Variants in BMP6 observed in about 807,000 individuals in gnomAD.
BMP6 encodes bone morphogenetic protein 6.
BMP6 carries 17 observed loss-of-function variants against 54.1 expected under a neutral mutation model. That is an observed-to-expected ratio of 0.31 (90% CI 0.22 to 0.47). BMP6 has a LOEUF of 0.47. Among genes scored for constraint, BMP6 ranks in the 20% least tolerant of loss-of-function variants. BMP6 has a pLI of 1.00. For missense variants in BMP6, 720 were observed against 690.4 expected (o/e 1.04, Z -0.48); for synonymous variants, 328 against 291.2 (o/e 1.13, Z -1.28).
At chr6:7,783,183 G>A (rs1237347858) in intron 1 of BMP6, among the ~76,000 whole-genome samples, 1 of 152,180 alleles carries the variant, frequency 6.6e-6, no homozygotes, top group African/African-American at 2.4e-5. Flanking sequence ...ATTAGAGAAG[G>A]TGAGATCTGA....
chr6:7,858,068 G>T (rs1432039025), intron 2 of BMP6, among the ~76,000 whole-genome samples: 2 of 152,042 alleles, frequency 1.3e-5, no homozygotes, highest in Admixed American at 1.3e-4. Context: ...CCTGATGGGG[G>T]AGGCCCACTG....
In BMP6 at chr6:7,879,925, T is replaced by C. The variant is rs370401783; in HGVS notation, c.1282-66T>C. Reference sequence around the variant, plus strand: ...GAAAAATACCTTTTCACAGCATTCCTGAAAAGCACAAATAGTGTGAGAAGT... The same window carrying C: ...GAAAAATACCTTTTCACAGCATTCCCGAAAAGCACAAATAGTGTGAGAAGT... On this transcript the variant is annotated intron_variant, in intron 5 of 6. Transcript: ENST00000283147. The C allele has an allele frequency of 5.3e-6, 8 of 1,501,682 alleles. No homozygotes were observed. The African/African-American group carries it at 1.1e-4, about 21-fold the overall frequency. The allele number at this position is 1,501,682 out of a possible 1,614,324, so 93.0% of individuals were successfully genotyped here. A position where few individuals can be genotyped will look rare whatever the true frequency, so the allele number is the denominator to read the frequency against.
At chr6:7,864,010 GAAAA>G (rs5874117) in intron 4 of BMP6, among the ~76,000 whole-genome samples, 4 of 128,908 alleles carry the variant, frequency 3.1e-5, no homozygotes, top group Admixed American at 7.7e-5. Context: ...AGACTCCATC[GAAAA>G]AAAAAAAAAA....
chr6:7,844,347 T>TG (rs1274460990), intron 1 of BMP6, among the ~76,000 whole-genome samples: 2 of 151,382 alleles, frequency 1.3e-5, no homozygotes, highest in African/African-American at 4.8e-5. Context: ...CCCCCCAGTT[T>TG]TTTTTTTTTT....
chr6:7,752,752 CTATTTT>C (rs1490580995), intron 1 of BMP6, among the ~76,000 whole-genome samples: 1 of 152,046 alleles, frequency 6.6e-6, no homozygotes, highest in African/African-American at 2.4e-5. Context: ...AAAGTGTAGA[CTATTTT>C]TATGGTTCTG....
chr6:7,747,480 C>T (rs1188066785), intron 1 of BMP6, among the ~76,000 whole-genome samples: 1 of 152,128 alleles, frequency 6.6e-6, no homozygotes, highest in Non-Finnish European at 1.5e-5. Context: ...CTGGGAAGGG[C>T]CCTGAGCTGA....
At chr6:7,737,971 T>C (rs1761979126) in intron 1 of BMP6, among the ~76,000 whole-genome samples, 2 of 152,144 alleles carry the variant, frequency 1.3e-5, no homozygotes, top group South Asian at 2.1e-4. Flanking sequence ...TTTTCTTCTT[T>C]TTTTTTTCTT....
chr6:7,851,505 T>C, intron 2 of BMP6, among the ~76,000 whole-genome samples: 1 of 152,220 alleles, frequency 6.6e-6, no homozygotes, highest in Non-Finnish European at 1.5e-5. Flanking sequence ...CCTTTTGGAA[T>C]TTCTGTGAAT....
intron 4 of BMP6, among the ~76,000 whole-genome samples, chr6:7,867,283 T>A (rs1169871696): frequency 6.6e-6 from 1 of 152,238 alleles, no homozygotes. Flanking sequence ...ACTCCTGACC[T>A]TCTTCTTGAT....
At chr6:7,741,325 C>T (rs1288665208) in intron 1 of BMP6, among the ~76,000 whole-genome samples, 1 of 152,044 alleles carries the variant, frequency 6.6e-6, no homozygotes, top group Non-Finnish European at 1.5e-5. Flanking sequence ...AGAGACAGGG[C>T]CTCTCTGTCA....
At position 7,772,089 on chromosome 6, in the gene BMP6, A is replaced by C. The variant is rs1412880352; in HGVS notation, c.664+44470A>C. ...CAAAAAAACAAAAAAAAACAAACCC[A>C]AAAAAACCCTTTTAGCTTTCATGCT... On this transcript the variant is annotated intron_variant, in intron 1 of 6. Transcript: ENST00000283147. Among the ~76,000 whole-genome samples the C allele has an allele frequency of 2.4e-4, 37 of 151,430 alleles. No individual in the cohort carries two copies. In the East Asian group the frequency reaches 2.7e-3, roughly 11 times the overall value.
intron 1 of BMP6, among the ~76,000 whole-genome samples, chr6:7,788,778 C>G (rs1758052830): frequency 6.6e-6 from 1 of 151,818 alleles, no homozygotes; most frequent in Non-Finnish European, 1.5e-5. Flanking sequence ...TGCTTCTGAA[C>G]TAAAATTCCT....
rs1232028432 is a variant in BMP6 at position 7,739,202 on chromosome 6, A to AATTT, written c.664+11584_664+11585insTTTA. The stretch of plus-strand genomic sequence containing the variant: ...TGACCCTGTCAGCATTTTGTTTCTA[A>AATTT]AGACTGTAATTTAGAAGATTTGATC... On this transcript the variant is annotated intron_variant, in intron 1 of 6. Coordinates refer to ENST00000283147, the MANE Select transcript of BMP6 (RefSeq NM_001718.6). Among the ~76,000 whole-genome samples the AATTT allele has an allele frequency of 1.9e-4, 29 of 152,270 alleles. No homozygotes were observed. The South Asian group carries it at 6.0e-3, about 32-fold the overall frequency.
rs558926984 is a variant in BMP6 at position 7,767,520 on chromosome 6, G to A, written c.664+39901G>A. On this transcript the variant is annotated intron_variant, in intron 1 of 6. Coordinates refer to ENST00000283147, the MANE Select transcript of BMP6 (RefSeq NM_001718.6). ...GAGATTTGGATACAGTAGGTTATGA[G>A]GGGGGAGCGTCGAGCTTCTCAGGAA... Among the ~76,000 whole-genome samples the A allele has an allele frequency of 5.3e-5, 8 of 152,234 alleles. No individual in the cohort carries two copies. In the East Asian group the frequency reaches 1.6e-3, roughly 30 times the overall value.
At chr6:7,834,184 G>T (rs1021050531) in intron 1 of BMP6, among the ~76,000 whole-genome samples, 3 of 58,562 alleles carry the variant, frequency 5.1e-5, no homozygotes, top group East Asian at 5.4e-4. Flanking sequence ...AAGAACAAAT[G>T]CTTTTTTTTT....
intron 1 of BMP6, among the ~76,000 whole-genome samples, chr6:7,729,391 G>C (rs1319795205): frequency 6.7e-6 from 1 of 149,656 alleles, no homozygotes; most frequent in African/African-American, 2.5e-5. Flanking sequence ...CTTGGGGGTA[G>C]TCCTAACCTG....
At chr6:7,822,897 T>TTTTG (rs1554123319) in intron 1 of BMP6, among the ~76,000 whole-genome samples, 5 of 121,296 alleles carry the variant, frequency 4.1e-5, no homozygotes, top group Admixed American at 1.6e-4. Context: ...TTGGTGCTGG[T>TTTTG]TGTGTGTGTG....
chr6:7,746,453 C>T (rs1302179598), intron 1 of BMP6, among the ~76,000 whole-genome samples: 2 of 152,122 alleles, frequency 1.3e-5, no homozygotes, highest in Non-Finnish European at 2.9e-5. Context: ...ATCCCCCCTC[C>T]CGTTTAATCT....
rs771926091 is a variant in BMP6 at position 7,727,483 on chromosome 6, G to A, written c.528G>A (p.Pro176=). Residue 176 remains proline (P), a synonymous_variant, in exon 1 of 7, where the codon CCG becomes CCA. Transcript: ENST00000283147. ...CGTCCCAGCGTCGGCAGCCGCCCCCGGGCGCCGCGCACCCGCTCAACCGCA... is the reference window on the plus strand; with the variant it reads ...CGTCCCAGCGTCGGCAGCCGCCCCCAGGCGCCGCGCACCCGCTCAACCGCA... ...ASSSQRRQPP[P]GAAHPLNRKS... The A allele has an allele frequency of 5.6e-6, 9 of 1,593,644 alleles. No individual in the cohort carries two copies. The highest frequency in any genetic ancestry group is 2.2e-5 in the South Asian group (2 of 89,868).
Sources: allele counts gnomAD v4.1 joint callset (sites outside exome capture counted in the v4.1 genomes callset), GRCh38; gene constraint gnomAD v4.1.1; transcripts MANE v1.5; gene names NCBI Gene and HGNC (gene_info 2026-07-23, HGNC 2026-07-21).